KLHL8: variants seen among roughly 807,000 people sequenced by gnomAD.
KLHL8 encodes kelch-like protein 8.
A neutral mutation model predicts 63.5 loss-of-function variants in KLHL8; 38 were observed. The observed-to-expected ratio is 0.60, with a 90% CI of 0.46 to 0.78. KLHL8 has a LOEUF of 0.78. Among genes scored for constraint, KLHL8 ranks in the 30% least tolerant of loss-of-function variants. The probability of loss-of-function intolerance (pLI) is 0.00; values close to 1 mark genes in which losing one functional copy is unlikely to be tolerated. For missense variants in KLHL8, 566 were observed against 752.4 expected (o/e 0.75, Z 2.90); for synonymous variants, 224 against 254.3 (o/e 0.88, Z 1.13).
Position 87,163,171 on chromosome 4 carries a change from G to T in KLHL8, c.*348C>A. The T allele has an allele frequency of 5.6e-6, 1 of 177,458 alleles. No homozygotes were observed. The highest frequency in any genetic ancestry group is 1.2e-5 in the Non-Finnish European group (1 of 84,388). 11.0% of individuals were successfully genotyped at this position (177,458 alleles called of 1,614,324 possible). A position where few individuals can be genotyped will look rare whatever the true frequency, so the allele number is the denominator to read the frequency against. On this transcript the variant is annotated 3_prime_UTR_variant, in exon 10 of 10. Transcript: ENST00000273963. The stretch of plus-strand genomic sequence containing the variant: ...GTTAACATCTTTAGGCAAAAGAAAA[G>T]GCAAAACTCAACAAATTACATTTTG...
chr4:87,217,916 C>T (rs953407681), intron 1 of KLHL8, among the ~76,000 whole-genome samples: 6 of 152,114 alleles, frequency 3.9e-5, no homozygotes, highest in African/African-American at 1.4e-4. Flanking sequence ...CTGCAATAGT[C>T]TCTTTAATCT....
intron 1 of KLHL8, among the ~76,000 whole-genome samples, chr4:87,211,671 G>A (rs1732411547): frequency 6.6e-6 from 1 of 152,036 alleles, no homozygotes; most frequent in African/African-American, 2.4e-5. Context: ...ACATGCCTGT[G>A]GTCCCAGCTA....
At chr4:87,226,191 A>G (rs1732971415) in intron 1 of KLHL8, among the ~76,000 whole-genome samples, 1 of 152,226 alleles carries the variant, frequency 6.6e-6, no homozygotes, top group South Asian at 2.1e-4. Context: ...ACAGTGAAAC[A>G]AATGTAATTG....
chr4:87,237,949 T>TA (rs140247732), intron 1 of KLHL8, among the ~76,000 whole-genome samples: 3,225 of 152,280 alleles, frequency 0.021, 112 homozygotes, highest in African/African-American at 0.074. Flanking sequence ...TATATCATTT[T>TA]TTTTAAGACG....
intron 6 of KLHL8, among the ~76,000 whole-genome samples, chr4:87,172,716 T>A (rs774042028): frequency 5.3e-5 from 8 of 152,274 alleles, no homozygotes; most frequent in Admixed American, 4.6e-4. Context: ...CTTTTCTCTA[T>A]CTCAATTTCT....
At chr4:87,200,138 CAAAAAAAAAA>C (rs61605160) in intron 1 of KLHL8, among the ~76,000 whole-genome samples, 5 of 73,706 alleles carry the variant, frequency 6.8e-5, no homozygotes, top group Non-Finnish European at 9.9e-5. Context: ...GAGACTGCCT[CAAAAAAAAAA>C]AAAAAAAAAA....
intron 1 of KLHL8, among the ~76,000 whole-genome samples, chr4:87,205,017 C>CAAA (rs1732066450): frequency 6.6e-6 from 1 of 152,072 alleles, no homozygotes; most frequent in African/African-American, 2.4e-5. Flanking sequence ...AAGATTGTTG[C>CAAA]ATTCCAACAT....
chr4:87,220,727 T>C (rs905994819), upstream of KLHL8: 1 of 152,096 alleles, frequency 6.6e-6, no homozygotes, highest in Non-Finnish European at 1.5e-5. Flanking sequence ...GGCTCCCTAG[T>C]GGGCGGCCGG....
intron 1 of KLHL8, among the ~76,000 whole-genome samples, chr4:87,213,491 T>C (rs917493204): frequency 4.1e-4 from 62 of 152,320 alleles, no homozygotes; most frequent in African/African-American, 1.4e-3. Flanking sequence ...TCCCTCTGAA[T>C]AGAGCACATT....
intron 1 of KLHL8, among the ~76,000 whole-genome samples, chr4:87,202,954 C>T (rs900705238): frequency 3.3e-5 from 5 of 152,006 alleles, no homozygotes; most frequent in African/African-American, 7.2e-5. Context: ...AGAATGATCA[C>T]GACCAAGTAG....
chr4:87,201,969 G>A (rs374757870), intron 1 of KLHL8, among the ~76,000 whole-genome samples: 19 of 151,964 alleles, frequency 1.3e-4, no homozygotes, highest in African/African-American at 1.7e-4. Flanking sequence ...TTAGCTGGGC[G>A]TAGTGGCAGG....
upstream of KLHL8, among the ~76,000 whole-genome samples, chr4:87,240,466 T>G (rs974913805): frequency 6.6e-6 from 1 of 152,182 alleles, no homozygotes; most frequent in East Asian, 1.9e-4. Context: ...TTGTTCCAGT[T>G]CACAAGGTCC....
chr4:87,178,337 A>T, intron 5 of KLHL8, 140 bp downstream of exon 5: 1 of 882,272 alleles, frequency 1.1e-6, no homozygotes, highest in Non-Finnish European at 1.7e-6. Context: ...CAAAGCAAGT[A>T]AATTATCACT....
Position 87,163,539 on chromosome 4 carries a change from T to G in KLHL8, c.1843A>C (p.Asn615His), listed in dbSNP as rs759419930. ...QIRDVGHGSN[N>H]VVDCM is the part of the protein sequence containing the mutation. ...TCAAATCACATACAGTCAACCACAT[T>G]ATTGGATCCATGACCTACATCTCGA... The change falls in exon 10 of 10, where the codon AAT (asparagine) becomes CAT (histidine). Residue 615 changes from asparagine to histidine, a missense_variant. Transcript: ENST00000273963. 6 of 1,614,174 alleles carry G rather than the reference T, an allele frequency of 3.7e-6. No individual in the cohort carries two copies. In the Admixed American group the frequency reaches 1.0e-4, roughly 27 times the overall value.
intron 8 of KLHL8, among the ~76,000 whole-genome samples, chr4:87,168,962 TAAA>T (rs35255534): frequency 4.9e-5 from 6 of 122,966 alleles, no homozygotes; most frequent in Non-Finnish European, 6.8e-5. Context: ...ATTGTTAAAG[TAAA>T]AAAAAAAAAA....
At chr4:87,216,165 G>C (rs1490461430) in intron 1 of KLHL8, among the ~76,000 whole-genome samples, 2 of 152,192 alleles carry the variant, frequency 1.3e-5, no homozygotes, top group East Asian at 3.9e-4. Context: ...GGGAAGAAGA[G>C]AGGAGTAGAC....
At chr4:87,219,431 T>G (rs757361858) in intron 1 of KLHL8, 3 of 152,294 alleles carry the variant, frequency 2.0e-5, no homozygotes, top group Non-Finnish European at 2.9e-5. Flanking sequence ...AAAATACTTA[T>G]GTCAACCCAG....
intron 1 of KLHL8, among the ~76,000 whole-genome samples, chr4:87,203,053 C>A (rs955410716): frequency 1.3e-5 from 2 of 152,020 alleles, no homozygotes; most frequent in Non-Finnish European, 2.9e-5. Flanking sequence ...CATACTAAAC[C>A]ACCACAACAA....
chr4:87,167,156 C>T (rs1453067068), intron 8 of KLHL8: 2 of 502,618 alleles, frequency 4.0e-6, no homozygotes, highest in Admixed American at 2.3e-5. Context: ...AAGGATTTGT[C>T]GCAGAAGAAA....
Sources: allele counts gnomAD v4.1 joint callset (sites outside exome capture counted in the v4.1 genomes callset), GRCh38; gene constraint gnomAD v4.1.1; transcripts MANE v1.5; gene names NCBI Gene and HGNC (gene_info 2026-07-23, HGNC 2026-07-21).